SNTG1: variants seen among roughly 807,000 people sequenced by gnomAD.
The protein encoded by SNTG1 is gamma-1-syntrophin.
A neutral mutation model predicts 74.7 loss-of-function variants in SNTG1; 39 were observed. That is an observed-to-expected ratio of 0.52 (90% CI 0.40 to 0.68). The LOEUF is 0.68. Among genes scored for constraint, SNTG1 ranks in the 30% least tolerant of loss-of-function variants. The probability of loss-of-function intolerance (pLI) is 0.00; values close to 1 mark genes in which losing one functional copy is unlikely to be tolerated. For missense variants in SNTG1, 685 were observed against 609.5 expected (o/e 1.12, Z -1.30); for synonymous variants, 254 against 217.1 (o/e 1.17, Z -1.49).
chr8:50,112,791 G>A (rs2080651959), intron 1 of SNTG1, among the ~76,000 whole-genome samples: 1 of 152,114 alleles, frequency 6.6e-6, no homozygotes, highest in Admixed American at 6.6e-5. Context: ...TTACAGGCAT[G>A]AGCCACTGCA....
chr8:50,218,659 A>G (rs2084912051), intron 2 of SNTG1, among the ~76,000 whole-genome samples: 2 of 152,140 alleles, frequency 1.3e-5, no homozygotes, highest in Admixed American at 1.3e-4. Flanking sequence ...TTTTTAAAAT[A>G]CAGGACCACA....
At chr8:50,263,191 A>C (rs535341709) in intron 2 of SNTG1, among the ~76,000 whole-genome samples, 1 of 152,286 alleles carries the variant, frequency 6.6e-6, no homozygotes, top group Admixed American at 6.5e-5. Context: ...GGGATAGGCT[A>C]TGCGTGTGTG....
chr8:49,964,650 G>T (rs1810984417), intron 1 of SNTG1, among the ~76,000 whole-genome samples: 1 of 152,184 alleles, frequency 6.6e-6, no homozygotes, highest in Non-Finnish European at 1.5e-5. Context: ...TGGAACAGGT[G>T]CGTTCTACTC....
At chr8:50,646,846 T>A (rs1436888980) in intron 13 of SNTG1, among the ~76,000 whole-genome samples, 2 of 152,230 alleles carry the variant, frequency 1.3e-5, no homozygotes, top group African/African-American at 4.8e-5. Context: ...ATCAAGGTAG[T>A]GTTGTATTCA....
At chr8:50,288,600 T>G (rs2088916852) in intron 2 of SNTG1, among the ~76,000 whole-genome samples, 1 of 152,118 alleles carries the variant, frequency 6.6e-6, no homozygotes, top group Admixed American at 6.6e-5. Context: ...TTTTGACAAC[T>G]CAACTCTCTG....
intron 2 of SNTG1, among the ~76,000 whole-genome samples, chr8:50,385,035 G>A (rs1420287439): frequency 2.0e-5 from 3 of 152,162 alleles, no homozygotes; most frequent in Non-Finnish European, 2.9e-5. Context: ...AGAAAGCAGG[G>A]ATTAGCTCCC....
chr8:50,493,895 A>G (rs890335800), intron 8 of SNTG1, among the ~76,000 whole-genome samples: 1 of 151,818 alleles, frequency 6.6e-6, no homozygotes, highest in African/African-American at 2.4e-5. Context: ...ATTATTTTTC[A>G]ACAAATTTGA....
intron 1 of SNTG1, among the ~76,000 whole-genome samples, chr8:50,085,695 C>A (rs1052069390): frequency 6.6e-6 from 1 of 152,180 alleles, no homozygotes; most frequent in African/African-American, 2.4e-5. Context: ...GACCTGGAGC[C>A]TAGAATGTAA....
chr8:50,283,291 T>G (rs148273981), intron 2 of SNTG1, among the ~76,000 whole-genome samples: 1 of 152,334 alleles, frequency 6.6e-6, no homozygotes, highest in East Asian at 1.9e-4. Flanking sequence ...TTCAACGGGA[T>G]GGTTTTAAAG....
At chr8:50,384,001 G>A (rs1429694078) in intron 2 of SNTG1, among the ~76,000 whole-genome samples, 1 of 152,166 alleles carries the variant, frequency 6.6e-6, no homozygotes, top group Non-Finnish European at 1.5e-5. Context: ...TAAACCAGAA[G>A]AGAATAAGGT....
At chr8:50,524,697 A>G (rs1182606624) in intron 9 of SNTG1, among the ~76,000 whole-genome samples, 1 of 146,702 alleles carries the variant, frequency 6.8e-6, no homozygotes, top group Non-Finnish European at 1.5e-5. Context: ...ACATATTTAC[A>G]TTGTATTTGG....
intron 2 of SNTG1, among the ~76,000 whole-genome samples, chr8:50,264,411 T>C (rs2087348649): frequency 6.6e-6 from 1 of 151,376 alleles, no homozygotes; most frequent in Non-Finnish European, 1.5e-5. Flanking sequence ...CTAATAAAAA[T>C]ACAAAAAAAT....
chr8:50,025,337 G>T (rs1280847713), intron 1 of SNTG1, among the ~76,000 whole-genome samples: 1 of 152,040 alleles, frequency 6.6e-6, no homozygotes, highest in East Asian at 1.9e-4. Flanking sequence ...ATTATTAGGT[G>T]TATTTTCCTC....
chr8:50,260,461 G>T (rs2087126671), intron 2 of SNTG1, among the ~76,000 whole-genome samples: 1 of 151,868 alleles, frequency 6.6e-6, no homozygotes, highest in Non-Finnish European at 1.5e-5. Flanking sequence ...CATCACTAAA[G>T]TACTGTTGAA....
chr8:50,268,718 A>G (rs1264889004), intron 2 of SNTG1, among the ~76,000 whole-genome samples: 2 of 151,666 alleles, frequency 1.3e-5, no homozygotes, highest in Non-Finnish European at 2.9e-5. Context: ...ATGCCGTGGC[A>G]GGATCTTGGT....
At chr8:50,279,016 G>C (rs1022695961) in intron 2 of SNTG1, among the ~76,000 whole-genome samples, 5 of 152,068 alleles carry the variant, frequency 3.3e-5, no homozygotes, top group Non-Finnish European at 5.9e-5. Flanking sequence ...TAATTTAGAA[G>C]AAGATGAGTA....
intron 1 of SNTG1, among the ~76,000 whole-genome samples, chr8:49,972,353 AC>A (rs1811768749): frequency 6.6e-6 from 1 of 152,224 alleles, no homozygotes; most frequent in South Asian, 2.1e-4. Context: ...TACATCTTAT[AC>A]AAAAATTAAT....
chr8:50,321,959 A>T (rs1051936086), intron 2 of SNTG1, among the ~76,000 whole-genome samples: 1 of 152,140 alleles, frequency 6.6e-6, no homozygotes, highest in African/African-American at 2.4e-5. Flanking sequence ...TCTACTTAAG[A>T]GTAGTTTATA....
chr8:50,753,221 G>A (rs572655549), intron 18 of SNTG1, among the ~76,000 whole-genome samples: 4 of 151,876 alleles, frequency 2.6e-5, no homozygotes, highest in South Asian at 4.2e-4. Context: ...TCTACCTCTC[G>A]CTACTGCTCC....
Sources: allele counts gnomAD v4.1 joint callset (sites outside exome capture counted in the v4.1 genomes callset), GRCh38; gene constraint gnomAD v4.1.1; transcripts MANE v1.5; gene names NCBI Gene and HGNC (gene_info 2026-07-23, HGNC 2026-07-21).